The following LARGE1 variants were observed in gnomAD, a reference collection of about 807,000 sequenced individuals.
LARGE1 encodes the protein xylosyl- and glucuronyltransferase LARGE1.
In LARGE1, 43 loss-of-function variants were observed where a neutral mutation model predicts 87.6. The observed-to-expected ratio is 0.49, with a 90% confidence interval of 0.38 to 0.63. LARGE1 has a LOEUF of 0.63. LARGE1 is among the 30% of genes least tolerant of loss of function. LARGE1 has a pLI of 0.00. For missense variants in LARGE1, 802 were observed against 1,000.2 expected (o/e 0.80, Z 2.67); for synonymous variants, 434 against 394.6 (o/e 1.10, Z -1.18).
At chr22:33,571,106 T>C (rs533826643) in intron 5 of LARGE1, among the ~76,000 whole-genome samples, 1 of 152,330 alleles carries the variant, frequency 6.6e-6, no homozygotes, top group South Asian at 2.1e-4. Flanking sequence ...ATCCTTGCAA[T>C]GGCTGTTAAT....
At chr22:33,586,270 C>T (rs895883301) in intron 5 of LARGE1, among the ~76,000 whole-genome samples, 1 of 152,164 alleles carries the variant, frequency 6.6e-6, no homozygotes, top group East Asian at 1.9e-4. Flanking sequence ...CGCATGCACA[C>T]AAAGCCTCTA....
the LARGE1 span, among the ~76,000 whole-genome samples, chr22:33,104,101 T>C: frequency 1.3e-5 from 2 of 152,274 alleles, no homozygotes; most frequent in African/African-American, 4.8e-5. Flanking sequence ...TGGATTTTTT[T>C]CCCCAGAGTA....
At chr22:33,386,800 CCA>C (rs2065339992) in intron 7 of LARGE1, among the ~76,000 whole-genome samples, 1 of 148,698 alleles carries the variant, frequency 6.7e-6, no homozygotes, top group South Asian at 2.4e-4. Flanking sequence ...AAAATATATT[CCA>C]GTCAAAAATA....
chr22:33,799,608 T>C (rs898599461), intron 1 of LARGE1, among the ~76,000 whole-genome samples: 2 of 152,060 alleles, frequency 1.3e-5, no homozygotes, highest in African/African-American at 4.8e-5. Context: ...GCCCGGCTAA[T>C]TTTAAGTAGA....
In LARGE1 at chr22:33,187,921, C is replaced by CAAAAAAA. The variant is rs578115819; in HGVS notation, c.1731-21096_1731-21090dup. Among the ~76,000 whole-genome samples, 55 of 36,902 alleles carry CAAAAAAA rather than the reference C, an allele frequency of 1.5e-3. 9 individuals are homozygous for CAAAAAAA. The highest frequency in any genetic ancestry group is 2.4e-3 in the Non-Finnish European group (42 of 17,734). 24.2% of individuals were successfully genotyped at this position (36,902 alleles called of 152,430 possible). A position where few individuals can be genotyped will look rare whatever the true frequency, so the allele number is the denominator to read the frequency against. On this transcript the variant is annotated intron_variant, in intron 11 of 11. Transcript: ENST00000608642. ...TGGGCAACAGAGTGAGACTCCGTCT[C>CAAAAAAA]AAAAAAAAAAAAAAAAAAAAAAAAA... is the stretch of plus-strand genomic sequence containing the variant.
At chr22:33,240,761 C>T (rs1926473742) in intron 11 of LARGE1, among the ~76,000 whole-genome samples, 1 of 152,002 alleles carries the variant, frequency 6.6e-6, no homozygotes, top group Non-Finnish European at 1.5e-5. Context: ...TATATGGATC[C>T]CGTGGTCATC....
chr22:33,094,297 C>T, the LARGE1 span, among the ~76,000 whole-genome samples: 1 of 152,126 alleles, frequency 6.6e-6, no homozygotes, highest in Non-Finnish European at 1.5e-5. Flanking sequence ...TCATTAGAGG[C>T]TCCCCATCTT....
chr22:33,179,545 A>G (rs1923054719), intron 11 of LARGE1, among the ~76,000 whole-genome samples: 1 of 152,202 alleles, frequency 6.6e-6, no homozygotes, highest in African/African-American at 2.4e-5. Context: ...ACGCATAGGT[A>G]CTGTTTGGGG....
intron 7 of LARGE1, among the ~76,000 whole-genome samples, chr22:33,403,655 G>C (rs2065998597): frequency 6.6e-6 from 1 of 152,032 alleles, no homozygotes; most frequent in African/African-American, 2.4e-5. Context: ...CCAGGCTGGA[G>C]TGTAGTGGCG....
At chr22:33,694,092 T>C (rs2082175750) in intron 2 of LARGE1, among the ~76,000 whole-genome samples, 2 of 152,176 alleles carry the variant, frequency 1.3e-5, no homozygotes, top group African/African-American at 4.8e-5. Flanking sequence ...GGAATCAGTT[T>C]TTCCTGGTGA....
chr22:33,624,038 AT>A (rs1479829645), intron 4 of LARGE1, among the ~76,000 whole-genome samples: 35 of 152,314 alleles, frequency 2.3e-4, no homozygotes, highest in African/African-American at 7.0e-4. Context: ...CTCAAAAAAA[AT>A]AAAATAAAAA....
At chr22:33,296,391 A>C (rs1026657202) in intron 12 of LARGE1, among the ~76,000 whole-genome samples, 1 of 152,176 alleles carries the variant, frequency 6.6e-6, no homozygotes, top group Admixed American at 6.5e-5. Context: ...TGCAAAGATT[A>C]AAATAGTTCC....
intron 2 of LARGE1, among the ~76,000 whole-genome samples, chr22:33,676,675 A>C (rs910284838): frequency 6.6e-6 from 1 of 152,160 alleles, no homozygotes; most frequent in Non-Finnish European, 1.5e-5. Context: ...AGACTGTAAG[A>C]TCCTTGAACA....
rs552579152 is a variant in LARGE1 at position 33,764,882 on chromosome 22, G to A, written c.-82-3324C>T. ...AAAAAGTCTGCACGTGTTCAGTACA[G>A]TTGCAACCATCCGTTTTTTTTCCTG... On this transcript the variant is annotated intron_variant, in intron 1 of 14. Transcript: ENST00000397394. Among the ~76,000 whole-genome samples the A allele has an allele frequency of 1.1e-4, 17 of 152,338 alleles. No homozygotes were observed. In the East Asian group the frequency reaches 3.1e-3, roughly 28 times the overall value.
At chr22:33,268,770 C>T (rs1306140011), downstream of LARGE1, among the ~76,000 whole-genome samples, 1 of 152,118 alleles carries the variant, frequency 6.6e-6, no homozygotes, top group African/African-American at 2.4e-5. Flanking sequence ...TAATCACTTT[C>T]ATTGTCTGGT....
intron 6 of LARGE1, among the ~76,000 whole-genome samples, chr22:33,528,180 T>C (rs2072009152): frequency 6.6e-6 from 1 of 151,930 alleles, no homozygotes; most frequent in South Asian, 2.1e-4. Context: ...ATATTAAGGA[T>C]AATACAGTAG....
At chr22:33,368,472 T>C (rs2064677841) in intron 9 of LARGE1, among the ~76,000 whole-genome samples, 1 of 144,442 alleles carries the variant, frequency 6.9e-6, no homozygotes, top group Non-Finnish European at 1.5e-5. Flanking sequence ...AAGTGAAGGT[T>C]GCAGTGAGCT....
intron 6 of LARGE1, among the ~76,000 whole-genome samples, chr22:33,548,362 G>A (rs911831503): frequency 3.9e-5 from 6 of 152,152 alleles, no homozygotes; most frequent in African/African-American, 1.2e-4. Flanking sequence ...ACAGCCTGCA[G>A]AACTGTGAGC....
intron 2 of LARGE1, among the ~76,000 whole-genome samples, chr22:33,682,475 C>T (rs965720625): frequency 2.0e-5 from 3 of 152,216 alleles, no homozygotes; most frequent in Admixed American, 2.0e-4. Flanking sequence ...ATGGGAAATT[C>T]TTACTCAACT....
Sources: gnomAD v4.1 joint callset for allele counts (sites outside exome capture counted in the v4.1 genomes callset) on GRCh38, gnomAD v4.1.1 for gene constraint, MANE v1.5 for transcripts, NCBI Gene and HGNC (gene_info 2026-07-23, HGNC 2026-07-21) for gene names.